TBC1D22A: variants seen among roughly 807,000 people sequenced by gnomAD.
TBC1D22A encodes the protein putative GTPase activator.
Under a neutral mutation model 60.2 loss-of-function variants are expected in TBC1D22A, and 38 were observed. The ratio of observed to expected loss-of-function variants is 0.63; its 90% CI spans 0.49 to 0.83. The LOEUF is 0.83. TBC1D22A is among the 40% of genes least tolerant of loss of function. The probability of loss-of-function intolerance (pLI) is 0.00; values close to 1 mark genes in which losing one functional copy is unlikely to be tolerated. For synonymous variants in TBC1D22A, 302 were observed against 281.7 expected (o/e 1.07, Z -0.72); for missense variants, 628 against 701.0 (o/e 0.90, Z 1.18).
At chr22:47,016,618 C>T (rs192407127) in intron 10 of TBC1D22A, among the ~76,000 whole-genome samples, 4 of 152,286 alleles carry the variant, frequency 2.6e-5, no homozygotes, top group East Asian at 1.9e-4. Flanking sequence ...TCTGCCGTCC[C>T]GAAGCTCTTC....
At chr22:46,938,828 C>T (rs1016936451) in intron 8 of TBC1D22A, among the ~76,000 whole-genome samples, 1 of 152,044 alleles carries the variant, frequency 6.6e-6, no homozygotes, top group Non-Finnish European at 1.5e-5. Context: ...TGAGGTGATC[C>T]CCCTGCCTCA....
In TBC1D22A at chr22:47,052,944, C is replaced by G. The variant is rs183188864; in HGVS notation, c.1329+15746C>G. ...GGGGTCTTGGTGTAAACCTGGATGCCACGCAGCTGTGACATGCTGGGCTGC... is the reference window on the plus strand; with the variant it reads ...GGGGTCTTGGTGTAAACCTGGATGCGACGCAGCTGTGACATGCTGGGCTGC... On this transcript the variant is annotated intron_variant, in intron 11 of 12. Coordinates refer to ENST00000337137, the MANE Select transcript of TBC1D22A (RefSeq NM_014346.5). Among the ~76,000 whole-genome samples, 3 of 152,342 alleles carry G rather than the reference C, an allele frequency of 2.0e-5. No homozygotes were observed. In the East Asian group the frequency reaches 5.8e-4, roughly 29 times the overall value.
intron 11 of TBC1D22A, among the ~76,000 whole-genome samples, chr22:47,091,059 C>T (rs994925611): frequency 1.7e-5 from 2 of 114,502 alleles, no homozygotes; most frequent in Non-Finnish European, 3.5e-5. Context: ...GGAGTGGCCT[C>T]GCAGAGGGGG....
At chr22:47,169,286 A>G (rs561968655) in intron 12 of TBC1D22A, among the ~76,000 whole-genome samples, 2 of 152,156 alleles carry the variant, frequency 1.3e-5, no homozygotes, top group Non-Finnish European at 2.9e-5. Flanking sequence ...GCCTGGTGGA[A>G]AGCGTGAGCA....
chr22:47,160,847 C>T (rs1400948212), intron 12 of TBC1D22A, among the ~76,000 whole-genome samples: 2 of 152,132 alleles, frequency 1.3e-5, no homozygotes, highest in Admixed American at 1.3e-4. Flanking sequence ...CATGCCCTCC[C>T]CCCAGCTACC....
intron 8 of TBC1D22A, among the ~76,000 whole-genome samples, chr22:46,972,166 C>T (rs981969933): frequency 5.9e-5 from 9 of 152,192 alleles, no homozygotes; most frequent in Admixed American, 1.3e-4. Context: ...TTCACAAGCC[C>T]GGGTCCCAGG....
chr22:46,813,960 G>T (rs533883452), intron 4 of TBC1D22A, among the ~76,000 whole-genome samples: 76 of 152,316 alleles, frequency 5.0e-4, no homozygotes, highest in African/African-American at 1.7e-3. Flanking sequence ...AGGAGGCTGA[G>T]CCCTGGTGCT....
At chr22:47,171,431 G>A (rs1485289500) in intron 12 of TBC1D22A, among the ~76,000 whole-genome samples, 1 of 152,116 alleles carries the variant, frequency 6.6e-6, no homozygotes, top group Non-Finnish European at 1.5e-5. Context: ...CCTGCAGGTG[G>A]CCCCCTGGGG....
intron 11 of TBC1D22A, among the ~76,000 whole-genome samples, chr22:47,054,293 C>CT (rs1667138252): frequency 2.0e-5 from 3 of 152,240 alleles, no homozygotes; most frequent in Non-Finnish European, 4.4e-5. Context: ...AACGAGTGGA[C>CT]TTGCCACTGC....
intron 4 of TBC1D22A, among the ~76,000 whole-genome samples, chr22:46,821,899 A>G (rs1005481985): frequency 6.6e-6 from 1 of 151,928 alleles, no homozygotes; most frequent in Non-Finnish European, 1.5e-5. Flanking sequence ...CGGTCATTTT[A>G]TGAAGTCTCA....
intron 5 of TBC1D22A, among the ~76,000 whole-genome samples, chr22:46,883,535 C>T (rs980806504): frequency 3.9e-5 from 6 of 152,172 alleles, no homozygotes; most frequent in African/African-American, 7.2e-5. Flanking sequence ...CCGATGATGA[C>T]GTGCTTGCCT....
At chr22:47,134,625 G>A (rs1430690868) in intron 12 of TBC1D22A, among the ~76,000 whole-genome samples, 4 of 152,240 alleles carry the variant, frequency 2.6e-5, no homozygotes, top group Non-Finnish European at 2.9e-5. Context: ...TGGCAGCCTG[G>A]GAGTGTCCTG....
intron 12 of TBC1D22A, among the ~76,000 whole-genome samples, chr22:47,124,792 G>A (rs761423249): frequency 6.6e-6 from 1 of 152,080 alleles, no homozygotes; most frequent in Non-Finnish European, 1.5e-5. Flanking sequence ...GATGAGTTTG[G>A]GCTCCACCGA....
chr22:47,031,969 G>A (rs2062489625), intron 10 of TBC1D22A, among the ~76,000 whole-genome samples: 1 of 152,210 alleles, frequency 6.6e-6, no homozygotes, highest in South Asian at 2.1e-4. Context: ...TTACCACAAT[G>A]ACAGGTGTTC....
chr22:46,811,898 G>A (rs2085392405), intron 4 of TBC1D22A, among the ~76,000 whole-genome samples: 1 of 152,170 alleles, frequency 6.6e-6, no homozygotes, highest in Non-Finnish European at 1.5e-5. Flanking sequence ...GAGAGGAGGT[G>A]CTGAGATCCC....
chr22:47,102,755 T>G (rs2065467523), intron 11 of TBC1D22A, among the ~76,000 whole-genome samples: 1 of 151,920 alleles, frequency 6.6e-6, no homozygotes, highest in Admixed American at 6.6e-5. Context: ...TAATTCAGAG[T>G]AGGATTGGGT....
At chr22:47,042,865 A>G (rs1054702501) in intron 11 of TBC1D22A, among the ~76,000 whole-genome samples, 5 of 152,212 alleles carry the variant, frequency 3.3e-5, no homozygotes, top group African/African-American at 4.8e-5. Flanking sequence ...TATTTTCTTC[A>G]GCATGGCCAG....
chr22:46,776,092 CAGGAA>C (rs1360020082), intron 1 of TBC1D22A, among the ~76,000 whole-genome samples: 2 of 152,164 alleles, frequency 1.3e-5, no homozygotes, highest in African/African-American at 4.8e-5. Flanking sequence ...ACGGAGGGGC[CAGGAA>C]GCCCTGTGGC....
intron 12 of TBC1D22A, among the ~76,000 whole-genome samples, chr22:47,112,985 A>G (rs1317604917): frequency 6.6e-6 from 1 of 152,216 alleles, no homozygotes; most frequent in Non-Finnish European, 1.5e-5. Flanking sequence ...TCACCAAGTA[A>G]GATGGAATGA....
Sources: gnomAD v4.1 joint callset for allele counts (sites outside exome capture counted in the v4.1 genomes callset) on GRCh38, gnomAD v4.1.1 for gene constraint, MANE v1.5 for transcripts, NCBI Gene and HGNC (gene_info 2026-07-23, HGNC 2026-07-21) for gene names.